TNFSF15: variants seen among roughly 807,000 people sequenced by gnomAD.
TNFSF15 encodes TNF superfamily member 15.
TNFSF15 carries 15 observed loss-of-function variants against 26.4 expected under a neutral mutation model. The observed-to-expected ratio is 0.57, with a 90% confidence interval of 0.38 to 0.87. The LOEUF (loss-of-function observed/expected upper bound fraction) is 0.87, where lower values mean the gene tolerates loss of function less well. Ranked by LOEUF, TNFSF15 falls within the 40% of genes least tolerant of loss-of-function variation. The probability of loss-of-function intolerance (pLI) is 0.00; values close to 1 mark genes in which losing one functional copy is unlikely to be tolerated. For missense variants in TNFSF15, 290 were observed against 306.1 expected, an observed-to-expected ratio of 0.95 and a Z score of 0.39; for synonymous variants, 116 against 115.0, an observed-to-expected ratio of 1.01 and a Z score of -0.06.
chr9:114,801,190 G>T (rs1198942236), intron 1 of TNFSF15, among the ~76,000 whole-genome samples: 1 of 152,210 alleles, frequency 6.6e-6, no homozygotes, highest in Non-Finnish European at 1.5e-5. Flanking sequence ...GGTGCATTCT[G>T]CTTTGCCTGC....
Position 114,805,828 on chromosome 9 carries a change from T to G in TNFSF15, c.185A>C (p.Gln62Pro), listed in dbSNP as rs749472080. The change falls in exon 1 of 4, where the codon CAG (glutamine) becomes CCG (proline). Residue 62 changes from glutamine (Q) to proline (P), a missense_variant. Physicochemically the swap from Gln to Pro is moderately conservative, Grantham distance 76. Coordinates refer to ENST00000374045, the MANE Select transcript of TNFSF15 (RefSeq NM_005118.4). ...CTGGAACTGCACACAGGCCTCTCCC[T>G]GGGCCCGGAGCTGGCTGACAAGCAG... Reference protein sequence around the residue: ...TYLLVSQLRAQGEACVQFQAL... With the variant: ...TYLLVSQLRAPGEACVQFQAL... The G allele has an allele frequency of 6.2e-7, 1 of 1,613,564 alleles. No homozygotes were observed. The highest frequency in any genetic ancestry group is 1.1e-5 in the South Asian group (1 of 91,052).
chr9:114,799,994 T>C (rs1243093657), intron 1 of TNFSF15, among the ~76,000 whole-genome samples: 1 of 152,204 alleles, frequency 6.6e-6, no homozygotes, highest in Non-Finnish European at 1.5e-5. Context: ...ATAAGGGGTC[T>C]GCAATTTACA....
In TNFSF15 at chr9:114,790,597, A is replaced by G. The variant is rs754824293; in HGVS notation, c.611T>C (p.Val204Ala). ...LLMGTKSVCE[V>A]GSNWFQPIYL... ...GATGGGCTGGAACCAGTTGCTACCT[A>G]CTTCGCATACAGACTTGGTCCCCAT... The change falls in exon 4 of 4, where the codon GTA (valine) becomes GCA (alanine). Residue 204 changes from valine (V) to alanine (A), a missense_variant. Coordinates refer to ENST00000374045, the MANE Select transcript of TNFSF15 (RefSeq NM_005118.4). The G allele has an allele frequency of 6.2e-7, 1 of 1,614,086 alleles. No homozygotes were observed.
At chr9:114,802,254 T>C (rs1446240901) in intron 1 of TNFSF15, among the ~76,000 whole-genome samples, 1 of 152,018 alleles carries the variant, frequency 6.6e-6, no homozygotes, top group Non-Finnish European at 1.5e-5. Context: ...GTTTTTTTTG[T>C]TTTTGTTTTT....
Position 114,805,907 on chromosome 9 carries a change from C to T in TNFSF15, c.106G>A (p.Ala36Thr), listed in dbSNP as rs1233763127. 1 of 1,614,074 alleles carries T rather than the reference C, an allele frequency of 6.2e-7. No homozygotes were observed. Among genetic ancestry groups the T allele is most frequent in the African/African-American group, 1.3e-5 (1 of 75,052 alleles). ...PKARSSSARW[A>T]LTCCLVLLPF... ...AGCAACACCAGGCAGCAGGTGAGAGCCCAGCGTGCGCTGCTGCTCCTGGCC... is the reference window on the plus strand; with the variant it reads ...AGCAACACCAGGCAGCAGGTGAGAGTCCAGCGTGCGCTGCTGCTCCTGGCC... The change falls in exon 1 of 4, where the codon GCT becomes ACT. Residue 36 changes from alanine (A) to threonine (T), a missense_variant. Physicochemically the swap from Ala to Thr is moderately conservative, Grantham distance 58 (BLOSUM62 0). This residue lies in a region of TNFSF15 where 179 missense variants were observed against 165.9 expected (regional missense o/e 1.08). Transcript: ENST00000374045.
intron 1 of TNFSF15, among the ~76,000 whole-genome samples, chr9:114,804,660 G>C (rs1200185057): frequency 6.6e-6 from 1 of 152,208 alleles, no homozygotes; most frequent in Non-Finnish European, 1.5e-5. Flanking sequence ...ATGACCTGCG[G>C]TTCTTCTTTA....
At chr9:114,792,168 A>C (rs372037369) in intron 3 of TNFSF15, 23 of 529,510 alleles carry the variant, frequency 4.3e-5, no homozygotes, top group African/African-American at 4.3e-4. Context: ...TTAAGTGTTC[A>C]TCAACAGATG....
intron 2 of TNFSF15, 110 bp downstream of exon 2, chr9:114,793,416 C>T (rs1439665548): frequency 1.5e-6 from 2 of 1,325,686 alleles, no homozygotes; most frequent in East Asian, 2.4e-5. Context: ...TTGCATCCCT[C>T]AGCTTAGCAA....
intron 1 of TNFSF15, among the ~76,000 whole-genome samples, chr9:114,801,568 T>C (rs972572406): frequency 6.6e-6 from 1 of 152,194 alleles, no homozygotes; most frequent in Non-Finnish European, 1.5e-5. Flanking sequence ...CTGGTCATAA[T>C]AATAATAATT....
At chr9:114,798,746 A>G (rs926414853) in intron 1 of TNFSF15, among the ~76,000 whole-genome samples, 21 of 152,176 alleles carry the variant, frequency 1.4e-4, no homozygotes, top group Admixed American at 3.3e-4. Flanking sequence ...TCAGTGTACA[A>G]TAGATGAACA....
At chr9:114,792,355 A>G (rs1829615904) in intron 3 of TNFSF15, 52 bp downstream of exon 3, 2 of 1,587,616 alleles carry the variant, frequency 1.3e-6, no homozygotes, top group Non-Finnish European at 1.7e-6. Context: ...GCTGAAAGAA[A>G]TCTCAGGATT....
At chr9:114,803,609 C>A (rs544035382) in intron 1 of TNFSF15, among the ~76,000 whole-genome samples, 1 of 152,336 alleles carries the variant, frequency 6.6e-6, no homozygotes, top group African/African-American at 2.4e-5. Flanking sequence ...TGACTCCTGG[C>A]TCAGTTGCCC....
chr9:114,805,356 C>T (rs1745590270), intron 1 of TNFSF15, among the ~76,000 whole-genome samples: 1 of 152,140 alleles, frequency 6.6e-6, no homozygotes, highest in South Asian at 2.1e-4. Context: ...TTATATCTGG[C>T]ATATAATTCT....
At chr9:114,805,217 G>C (rs544296243) in intron 1 of TNFSF15, among the ~76,000 whole-genome samples, 1 of 152,300 alleles carries the variant, frequency 6.6e-6, no homozygotes, top group South Asian at 2.1e-4. Flanking sequence ...AGTGGGTAAA[G>C]AAATTATAGC....
chr9:114,794,268 A>G (rs1261772987), intron 1 of TNFSF15, among the ~76,000 whole-genome samples: 5 of 152,244 alleles, frequency 3.3e-5, no homozygotes, highest in Non-Finnish European at 5.9e-5. Context: ...ATTGAGGTGA[A>G]GAGCAAATCA....
At position 114,790,821 on chromosome 9, in the gene TNFSF15, C is replaced by G; in HGVS notation, c.387G>C (p.Lys129Asn). 1 of 1,614,074 alleles carries G rather than the reference C, an allele frequency of 6.2e-7. No individual in the cohort carries two copies. ...WEHELGLAFT[K>N]NRMNYTNKFL... The stretch of plus-strand genomic sequence containing the variant: ...ATTTGTTGGTATAGTTCATTCGGTT[C>G]TTGGTGAAGGCCAGGCCTAGTTCAT... Residue 129 changes from lysine to asparagine, a missense_variant, in exon 4 of 4, where the codon AAG becomes AAC. By Grantham distance (94) the Lys-to-Asn change is moderately conservative (BLOSUM62 0). Coordinates refer to ENST00000374045, the MANE Select transcript of TNFSF15 (RefSeq NM_005118.4).
chr9:114,797,797 T>A (rs534639016), intron 1 of TNFSF15, among the ~76,000 whole-genome samples: 1 of 152,346 alleles, frequency 6.6e-6, no homozygotes, highest in South Asian at 2.1e-4. Context: ...ATACATATCT[T>A]TTCAAACCAC....
In TNFSF15 at chr9:114,785,284, T is replaced by C. The variant is rs1829480639; in HGVS notation, c.*5168A>G. 2 of 152,246 alleles carry C rather than the reference T, an allele frequency of 1.3e-5. No homozygotes were observed. Among genetic ancestry groups the C allele is most frequent in the African/African-American group, 4.8e-5 (2 of 41,470 alleles). The allele number at this position is 152,246 out of a possible 1,614,324, so 9.4% of individuals were successfully genotyped here. A position where few individuals can be genotyped will look rare whatever the true frequency, so the allele number is the denominator to read the frequency against. On this transcript the variant is annotated 3_prime_UTR_variant, in exon 4 of 4. Transcript: ENST00000374045. ...CTGGGTTTCTTCATCTTTGAAATGA[T>C]ATAACTTGGAATAAACTCCGCAGAT... is the stretch of plus-strand genomic sequence containing the variant.
rs1363558322 is a variant in TNFSF15 at position 114,805,937 on chromosome 9, G to A, written c.76C>T (p.Pro26Ser). Reference protein sequence around the residue: ...EMLPEHGSCRPKARSSSARWA... With the variant: ...EMLPEHGSCRSKARSSSARWA... ...CGTGCGCTGCTGCTCCTGGCCTTGG[G>A]CCTGCAGCTGCCGTGCTCTGGCAGC... The change falls in exon 1 of 4, where the codon CCC (proline) becomes TCC (serine). Residue 26 changes from proline to serine, a missense_variant. Physicochemically the swap from Pro to Ser is moderately conservative, Grantham distance 74 (BLOSUM62 -1). Around this residue, in one of 3 missense-constraint regions of TNFSF15, gnomAD observed 179 missense variants for 165.9 expected, o/e 1.08. Coordinates refer to ENST00000374045, the MANE Select transcript of TNFSF15 (RefSeq NM_005118.4). 2 of 1,613,974 alleles carry A rather than the reference G, an allele frequency of 1.2e-6. No individual in the cohort carries two copies. The highest frequency in any genetic ancestry group is 1.3e-5 in the African/African-American group (1 of 74,932).
Sources: allele counts gnomAD v4.1 joint callset (sites outside exome capture counted in the v4.1 genomes callset), GRCh38; gene constraint gnomAD v4.1.1; regional missense constraint gnomAD v4.1.1; transcripts MANE v1.5; gene names NCBI Gene and HGNC (gene_info 2026-07-23, HGNC 2026-07-21).